SCMH1: variants seen among roughly 807,000 people sequenced by gnomAD.
SCMH1 encodes Scm polycomb group protein homolog 1, also known as polycomb protein SCMH1.
SCMH1 carries 37 observed loss-of-function variants against 70.8 expected under a neutral mutation model. That is an observed-to-expected ratio of 0.52 (90% confidence interval 0.40 to 0.69). SCMH1 has a LOEUF of 0.69. Among genes scored for constraint, SCMH1 ranks in the 30% least tolerant of loss-of-function variants. SCMH1 has a pLI of 0.00. For synonymous variants in SCMH1, 292 were observed against 307.4 expected (o/e 0.95, Z 0.52); for missense variants, 607 against 827.3 (o/e 0.73, Z 3.27).
At chr1:41,202,852 A>G (rs935310741) in intron 1 of SCMH1, among the ~76,000 whole-genome samples, 3 of 152,150 alleles carry the variant, frequency 2.0e-5, no homozygotes, top group Admixed American at 1.3e-4. Flanking sequence ...AGGGTCTAGA[A>G]CAGTGCTATC....
chr1:41,140,310 T>C (rs79785072), intron 6 of SCMH1, among the ~76,000 whole-genome samples: 1 of 151,052 alleles, frequency 6.6e-6, no homozygotes, highest in Non-Finnish European at 1.5e-5. Flanking sequence ...TTTTTTTTTT[T>C]TAGACGCAGT....
chr1:41,117,489 G>A (rs1272012643), intron 6 of SCMH1, among the ~76,000 whole-genome samples: 2 of 150,904 alleles, frequency 1.3e-5, no homozygotes, highest in Non-Finnish European at 3.0e-5. Flanking sequence ...TAGAGACCGG[G>A]AAAGGGAGTC....
Position 41,086,905 on chromosome 1 carries a change from C to A in SCMH1, c.746-11454G>T, listed in dbSNP as rs201686875. ...AACAAAACCAAAAAAAAAAAAAAAA[C>A]CCCAAACACACAAAGCAGAAACCAT... is the stretch of plus-strand genomic sequence containing the variant. On this transcript the variant is annotated intron_variant, in intron 8 of 14. Transcript: ENST00000337495. Among the ~76,000 whole-genome samples the A allele has an allele frequency of 2.6e-3, 296 of 111,908 alleles. 1 individual carries two copies. The highest frequency in any genetic ancestry group is 9.8e-3 in the African/African-American group (268 of 27,290). The allele number at this position is 111,908 out of a possible 152,430, so 73.4% of individuals were successfully genotyped here. A position where few individuals can be genotyped will look rare whatever the true frequency, so the allele number is the denominator to read the frequency against.
intron 13 of SCMH1, 151 bp downstream of exon 13, chr1:41,037,211 C>CAAGGCCAGGCACAAGAGT (rs1558326402): frequency 1.4e-6 from 1 of 740,224 alleles, no homozygotes; most frequent in Non-Finnish European, 2.1e-6. Flanking sequence ...CTCCCAGGTG[C>CAAGGCCAGGCACAAGAGT]AAGGCCAGGC....
chr1:41,175,247 G>C (rs966300643), intron 2 of SCMH1, among the ~76,000 whole-genome samples: 1 of 152,214 alleles, frequency 6.6e-6, no homozygotes, highest in Admixed American at 6.5e-5. Flanking sequence ...TGAAGGAAGA[G>C]TGAATTATCT....
chr1:41,228,810 T>C (rs1308057215), intron 1 of SCMH1, among the ~76,000 whole-genome samples: 1 of 151,798 alleles, frequency 6.6e-6, no homozygotes, highest in Non-Finnish European at 1.5e-5. Context: ...AAATTTTAAA[T>C]ATTTAACCCT....
chr1:41,034,513 G>A (rs957484956), intron 13 of SCMH1, among the ~76,000 whole-genome samples: 5 of 152,048 alleles, frequency 3.3e-5, no homozygotes, highest in Admixed American at 2.6e-4. Context: ...ATTTTCAATA[G>A]AGACAGGGTT....
chr1:41,148,957 A>G (rs921610176), intron 5 of SCMH1, among the ~76,000 whole-genome samples: 1 of 151,680 alleles, frequency 6.6e-6, no homozygotes, highest in Non-Finnish European at 1.5e-5. Context: ...TGCCCGGCTA[A>G]TTTTTTTGTA....
At chr1:41,136,430 T>C (rs1285901102) in intron 6 of SCMH1, among the ~76,000 whole-genome samples, 1 of 150,882 alleles carries the variant, frequency 6.6e-6, no homozygotes, top group African/African-American at 2.4e-5. Context: ...CAGGCTGGAG[T>C]GCACTGGCGC....
intron 8 of SCMH1, among the ~76,000 whole-genome samples, chr1:41,103,860 T>C (rs1045514570): frequency 1.3e-5 from 2 of 152,116 alleles, no homozygotes; most frequent in African/African-American, 4.8e-5. Flanking sequence ...GCAGACCTAA[T>C]TACAATCAGT....
chr1:41,028,450 G>T, intron 14 of SCMH1, 131 bp from the exon 16 acceptor site: 7 of 1,499,884 alleles, frequency 4.7e-6, no homozygotes, highest in Non-Finnish European at 6.4e-6. Context: ...TTCACCTGCT[G>T]TGATGCTGAA....
intron 1 of SCMH1, among the ~76,000 whole-genome samples, chr1:41,218,601 T>C (rs1658588932): frequency 6.6e-6 from 1 of 152,184 alleles, no homozygotes; most frequent in Admixed American, 6.5e-5. Context: ...TAAATTTCTG[T>C]TGTTCTAAGC....
At chr1:41,140,150 G>A (rs1269316897) in intron 6 of SCMH1, among the ~76,000 whole-genome samples, 3 of 152,132 alleles carry the variant, frequency 2.0e-5, no homozygotes, top group Admixed American at 2.0e-4. Context: ...AAGCAAATGA[G>A]TTACTGTGTT....
intron 6 of SCMH1, among the ~76,000 whole-genome samples, chr1:41,129,736 T>C (rs1052960169): frequency 5.3e-5 from 8 of 152,162 alleles, no homozygotes; most frequent in Non-Finnish European, 1.2e-4. Context: ...CTGCTTTCAG[T>C]CCTTCTGAGT....
At chr1:41,159,830 G>A (rs1007865646) in intron 4 of SCMH1, 4 of 1,390,222 alleles carry the variant, frequency 2.9e-6, no homozygotes, top group Admixed American at 3.3e-5. Context: ...GAGTATAGCC[G>A]CTGAACAGAA....
intron 1 of SCMH1, among the ~76,000 whole-genome samples, chr1:41,212,885 A>G (rs1473194618): frequency 6.6e-6 from 1 of 152,196 alleles, no homozygotes; most frequent in Non-Finnish European, 1.5e-5. Flanking sequence ...GGAGGGAAAA[A>G]AAAAGATACA....
At chr1:41,183,018 G>A (rs563226491) in intron 2 of SCMH1, among the ~76,000 whole-genome samples, 4 of 152,266 alleles carry the variant, frequency 2.6e-5, no homozygotes, top group Non-Finnish European at 5.9e-5. Context: ...ATGTTTCAGA[G>A]TATATTATAA....
chr1:41,089,795 T>TCTTTTTTTTTC (rs1662847559), intron 8 of SCMH1, among the ~76,000 whole-genome samples: 1 of 118,418 alleles, frequency 8.4e-6, no homozygotes, highest in Non-Finnish European at 1.7e-5. Context: ...CTCTTTTTTT[T>TCTTTTTTTTTC]TTTTTTTTTT....
At chr1:41,219,756 C>T (rs527369169) in intron 1 of SCMH1, among the ~76,000 whole-genome samples, 45 of 152,130 alleles carry the variant, frequency 3.0e-4, no homozygotes, top group Middle Eastern at 3.4e-3. Flanking sequence ...ACGGCGAAAC[C>T]GTCCCTACTA....
Sources: allele counts gnomAD v4.1 joint callset (sites outside exome capture counted in the v4.1 genomes callset), GRCh38; gene constraint gnomAD v4.1.1; transcripts MANE v1.5; gene names NCBI Gene and HGNC (gene_info 2026-07-23, HGNC 2026-07-21).